NRIP1: variants seen among roughly 807,000 people sequenced by gnomAD.
The protein encoded by NRIP1 is nuclear receptor-interacting protein 1.
Under a neutral mutation model 75.0 loss-of-function variants are expected in NRIP1, and 28 were observed. The observed-to-expected ratio is 0.37, with a 90% CI of 0.28 to 0.51. The LOEUF (loss-of-function observed/expected upper bound fraction) is 0.51. Among genes scored for constraint, NRIP1 ranks in the 20% least tolerant of loss-of-function variants. The pLI is 0.92. For synonymous variants in NRIP1, 526 were observed against 487.6 expected (o/e 1.08, Z -1.04); for missense variants, 1,435 against 1,343.7 (o/e 1.07, Z -1.06).
chr21:15,007,907 T>C (rs918603482), intron 3 of NRIP1, among the ~76,000 whole-genome samples: 2 of 152,204 alleles, frequency 1.3e-5, no homozygotes, highest in African/African-American at 4.8e-5. Context: ...CCAGCTTGCA[T>C]GACATCATCA....
At chr21:15,048,793 C>T (rs560890062) in intron 1 of NRIP1, among the ~76,000 whole-genome samples, 1 of 152,306 alleles carries the variant, frequency 6.6e-6, no homozygotes, top group East Asian at 1.9e-4. Flanking sequence ...GCTGAAGTCA[C>T]TGACCGCAAG....
chr21:15,053,312 T>C (rs1467456855), intron 1 of NRIP1, among the ~76,000 whole-genome samples: 1 of 152,206 alleles, frequency 6.6e-6, no homozygotes, highest in Non-Finnish European at 1.5e-5. Context: ...TCGGGAGGAA[T>C]ACCCATGGAT....
intron 3 of NRIP1, among the ~76,000 whole-genome samples, chr21:14,978,959 A>G (rs909024149): frequency 7.2e-5 from 11 of 152,206 alleles, no homozygotes; most frequent in African/African-American, 2.7e-4. Flanking sequence ...GACACTGGAA[A>G]ATTGTTAAAT....
chr21:15,001,889 C>T (rs2087856751), intron 3 of NRIP1, among the ~76,000 whole-genome samples: 1 of 152,082 alleles, frequency 6.6e-6, no homozygotes. Flanking sequence ...TTCATCTCTG[C>T]CTCACATGTT....
At chr21:15,004,347 C>T (rs1266145906) in intron 3 of NRIP1, among the ~76,000 whole-genome samples, 1 of 152,202 alleles carries the variant, frequency 6.6e-6, no homozygotes, top group African/African-American at 2.4e-5. Flanking sequence ...GTAACTTTCT[C>T]TACACAATGT....
intron 1 of NRIP1, among the ~76,000 whole-genome samples, chr21:15,056,983 C>T (rs186512734): frequency 6.3e-4 from 96 of 152,252 alleles, no homozygotes; most frequent in African/African-American, 2.2e-3. Flanking sequence ...ACAAAGCTCC[C>T]CCACTCAACA....
chr21:15,016,956 CAAG>C (rs891667658), intron 2 of NRIP1, among the ~76,000 whole-genome samples: 1 of 131,252 alleles, frequency 7.6e-6, no homozygotes, highest in African/African-American at 2.8e-5. Context: ...AGAAGAAAGA[CAAG>C]AAAGAAAGAA....
intron 2 of NRIP1, among the ~76,000 whole-genome samples, chr21:15,029,737 G>T (rs1021136243): frequency 6.6e-6 from 1 of 152,072 alleles, no homozygotes; most frequent in Non-Finnish European, 1.5e-5. Context: ...GATTGCTTGA[G>T]CCCAGGAGTT....
intron 3 of NRIP1, among the ~76,000 whole-genome samples, chr21:14,999,788 C>T (rs1454569268): frequency 6.6e-6 from 1 of 152,202 alleles, no homozygotes; most frequent in Non-Finnish European, 1.5e-5. Context: ...GGAAGTATCA[C>T]CCACATAAAG....
intron 3 of NRIP1, among the ~76,000 whole-genome samples, chr21:14,987,571 G>A (rs189014920): frequency 1.3e-5 from 2 of 152,228 alleles, no homozygotes; most frequent in African/African-American, 4.8e-5. Flanking sequence ...ATGTTCCTGG[G>A]GCCAGTCTGT....
chr21:15,018,336 A>T (rs909057246), intron 2 of NRIP1, among the ~76,000 whole-genome samples: 3 of 152,190 alleles, frequency 2.0e-5, no homozygotes, highest in African/African-American at 7.2e-5. Flanking sequence ...AATAAGACGA[A>T]CACAGTTCCC....
chr21:14,977,818 T>C lies in NRIP1; in HGVS notation c.-334-9292A>G, dbSNP rs931443648. Among the ~76,000 whole-genome samples the C allele has an allele frequency of 1.4e-4, 22 of 152,226 alleles. 1 individual carries two copies. Among genetic ancestry groups the C allele is most frequent in the African/African-American group, 4.1e-4 (17 of 41,464 alleles). ...TTATGAAAAGGTAGATGTGTGGTCA[T>C]ACAATTTAACAGATGCCAAAAATAA... On this transcript the variant is annotated intron_variant, in intron 3 of 3. Coordinates refer to ENST00000318948, the MANE Select transcript of NRIP1 (RefSeq NM_003489.4).
At chr21:15,057,510 G>A (rs1336454030) in intron 1 of NRIP1, among the ~76,000 whole-genome samples, 1 of 152,154 alleles carries the variant, frequency 6.6e-6, no homozygotes, top group Non-Finnish European at 1.5e-5. Flanking sequence ...ACTAGCATAA[G>A]CTGCTGCAGA....
At chr21:15,030,940 CACTCAGA>C (rs2088650419) in intron 2 of NRIP1, among the ~76,000 whole-genome samples, 2 of 122,190 alleles carry the variant, frequency 1.6e-5, no homozygotes, top group African/African-American at 5.9e-5. Context: ...CTCTGGAAGG[CACTCAGA>C]GGATCACCAC....
intron 1 of NRIP1, among the ~76,000 whole-genome samples, chr21:15,047,495 G>C (rs534073132): frequency 2.6e-5 from 4 of 152,184 alleles, no homozygotes; most frequent in Admixed American, 6.5e-5. Flanking sequence ...AGCTGAGACC[G>C]CGCCACTGCA....
intron 3 of NRIP1, among the ~76,000 whole-genome samples, chr21:15,006,746 A>G (rs1858321220): frequency 2.6e-5 from 4 of 152,358 alleles, no homozygotes; most frequent in African/African-American, 7.2e-5. Flanking sequence ...ACAGGACAGG[A>G]AAAGGACAGA....
At chr21:14,985,505 C>T (rs1420056370) in intron 3 of NRIP1, among the ~76,000 whole-genome samples, 1 of 152,142 alleles carries the variant, frequency 6.6e-6, no homozygotes, top group Non-Finnish European at 1.5e-5. Flanking sequence ...TGGTTTTAAA[C>T]TCCTGACCTC....
At chr21:14,971,215 C>T (rs531516898) in intron 3 of NRIP1, among the ~76,000 whole-genome samples, 1 of 152,290 alleles carries the variant, frequency 6.6e-6, no homozygotes, top group South Asian at 2.1e-4. Flanking sequence ...CAGTGCAACA[C>T]AGTCAACAGA....
chr21:14,978,134 T>C (rs2087127158), intron 3 of NRIP1, among the ~76,000 whole-genome samples: 1 of 152,194 alleles, frequency 6.6e-6, no homozygotes, highest in Non-Finnish European at 1.5e-5. Context: ...GTCATTCACA[T>C]TCCCAACTAA....
Sources: allele counts gnomAD v4.1 joint callset (sites outside exome capture counted in the v4.1 genomes callset), GRCh38; gene constraint gnomAD v4.1.1; transcripts MANE v1.5; gene names NCBI Gene and HGNC (gene_info 2026-07-23, HGNC 2026-07-21).